Variants in GUCD1 observed in about 807,000 individuals in gnomAD.
GUCD1 encodes protein GUCD1.
GUCD1 carries 17 observed loss-of-function variants against 28.3 expected under a neutral mutation model. That is an observed-to-expected ratio of 0.60 (90% CI 0.41 to 0.90). The LOEUF (loss-of-function observed/expected upper bound fraction) is 0.90. GUCD1 is among the 40% of genes least tolerant of loss of function. The probability of loss-of-function intolerance (pLI) is 0.00; values close to 1 mark genes in which losing one functional copy is unlikely to be tolerated. For synonymous variants in GUCD1, 129 were observed against 123.3 expected (o/e 1.05, Z -0.30); for missense variants, 279 against 305.5 (o/e 0.91, Z 0.65).
At chr22:24,547,257 C>CA in intron 3 of GUCD1, 3 of 484,264 alleles carry the variant, frequency 6.2e-6, no homozygotes, top group Non-Finnish European at 7.6e-6. Context: ...GGGCTCAGGT[C>CA]AGCTCTCTGG....
intron 1 of GUCD1, among the ~76,000 whole-genome samples, chr22:24,550,744 C>T (rs2044850502): frequency 6.6e-6 from 1 of 152,212 alleles, no homozygotes; most frequent in Non-Finnish European, 1.5e-5. Flanking sequence ...CTTTGAATCC[C>T]AAGTTCCTCC....
Position 24,543,944 on chromosome 22 carries a change from AGTG to A in GUCD1, c.523_525del (p.His175del). ...TGGTAGTCAGGAGTGCGGCAGAAGC[AGTG>A]GTGGCCACTGGGGGTGAAGCAGCAG... On this transcript the variant is annotated inframe_deletion, in exon 5 of 6. Coordinates refer to ENST00000435822, the MANE Select transcript of GUCD1 (RefSeq NM_001284254.2). The A allele has an allele frequency of 6.2e-7, 1 of 1,614,064 alleles. No individual in the cohort carries two copies. Among genetic ancestry groups the A allele is most frequent in the Non-Finnish European group, 8.5e-7 (1 of 1,179,966 alleles).
chr22:24,552,923 C>T (rs2044921181), intron 1 of GUCD1, among the ~76,000 whole-genome samples: 1 of 152,192 alleles, frequency 6.6e-6, no homozygotes, highest in Admixed American at 6.5e-5. Flanking sequence ...CCTTAGCCTC[C>T]TGAGCAGCTG....
At chr22:24,547,158 G>C in intron 3 of GUCD1, 153 bp from the exon 4 acceptor site, 2 of 633,334 alleles carry the variant, frequency 3.2e-6, no homozygotes, top group African/African-American at 1.8e-5. Context: ...CAGCAAGCCA[G>C]ATCAGAAAGC....
chr22:24,553,465 G>A (rs1407979046), intron 1 of GUCD1, among the ~76,000 whole-genome samples: 1 of 152,212 alleles, frequency 6.6e-6, no homozygotes, highest in Non-Finnish European at 1.5e-5. Flanking sequence ...TCAGCCCAGA[G>A]TAGGCACTTA....
At chr22:24,552,697 G>A (rs932212095) in intron 1 of GUCD1, among the ~76,000 whole-genome samples, 3 of 151,860 alleles carry the variant, frequency 2.0e-5, no homozygotes, top group Admixed American at 6.5e-5. Context: ...TTGAACCTGG[G>A]AGGCGGAGGT....
chr22:24,544,583 C>A (rs2044678256), intron 4 of GUCD1, among the ~76,000 whole-genome samples: 1 of 152,216 alleles, frequency 6.6e-6, no homozygotes, highest in African/African-American at 2.4e-5. Context: ...GCAGAAGGGG[C>A]TGCCCAGGAA....
chr22:24,545,609 T>TC (rs1159119754), intron 4 of GUCD1, among the ~76,000 whole-genome samples: 3 of 146,812 alleles, frequency 2.0e-5, no homozygotes, highest in Non-Finnish European at 4.5e-5. Context: ...CCCACTATAT[T>TC]CTTTTTTTTT....
chr22:24,554,705 A>C (rs1057445956), intron 1 of GUCD1, among the ~76,000 whole-genome samples: 8 of 152,186 alleles, frequency 5.3e-5, no homozygotes, highest in Admixed American at 2.0e-4. Flanking sequence ...GGAGCTCCCA[A>C]GGCGGCTCCA....
intron 1 of GUCD1, among the ~76,000 whole-genome samples, chr22:24,550,427 C>T (rs1168956543): frequency 2.6e-5 from 4 of 152,216 alleles, no homozygotes; most frequent in Non-Finnish European, 5.9e-5. Flanking sequence ...GGCAAATGGG[C>T]TTGTGGCATG....
intron 3 of GUCD1, 101 bp downstream of exon 3, chr22:24,547,807 G>T: frequency 2.4e-6 from 3 of 1,230,518 alleles, no homozygotes; most frequent in Non-Finnish European, 3.5e-6. Flanking sequence ...ATCTACCTGG[G>T]TGTCTAGCCC....
chr22:24,544,633 C>CA (rs2044679375), intron 4 of GUCD1, among the ~76,000 whole-genome samples: 2 of 152,194 alleles, frequency 1.3e-5, no homozygotes, highest in Non-Finnish European at 2.9e-5. Context: ...TCCAGTTCAG[C>CA]AATGACATCT....
At chr22:24,547,130 C>T in intron 3 of GUCD1, 125 bp from the exon 4 acceptor site, 1 of 725,536 alleles carries the variant, frequency 1.4e-6, no homozygotes, top group South Asian at 1.5e-5. Flanking sequence ...CCCCACCTGC[C>T]AGGGCAGACG....
intron 5 of GUCD1, 29 bp from the exon 6 acceptor site, chr22:24,543,126 G>T: frequency 6.4e-7 from 1 of 1,557,778 alleles, no homozygotes; most frequent in Non-Finnish European, 8.9e-7. Flanking sequence ...GCAGAACGGG[G>T]TCAGTGGGTT....
chr22:24,555,586 T>C (rs1475630747), upstream of GUCD1: 1 of 1,548,226 alleles, frequency 6.5e-7, no homozygotes, highest in East Asian at 2.4e-5. Context: ...CCGTACCAGA[T>C]ACCTAGCCTC....
At chr22:24,553,915 T>G (rs1479787962) in intron 1 of GUCD1, among the ~76,000 whole-genome samples, 1 of 152,232 alleles carries the variant, frequency 6.6e-6, no homozygotes, top group East Asian at 1.9e-4. Context: ...GCTTTAGCCT[T>G]CTAAACACAA....
At chr22:24,552,390 G>A (rs888226445) in intron 1 of GUCD1, among the ~76,000 whole-genome samples, 2 of 152,244 alleles carry the variant, frequency 1.3e-5, no homozygotes, top group African/African-American at 4.8e-5. Context: ...TGAGACAGCA[G>A]GAAACTTGCT....
At position 24,544,081 on chromosome 22, in the gene GUCD1, G is replaced by C; in HGVS notation, c.389C>G (p.Thr130Arg). Reference protein sequence around the residue: ...KACKVLVEKCTVSVKDIQAHL... With the variant: ...KACKVLVEKCRVSVKDIQAHL... ...CGCCTGGATGTCCTTCACACTCACT[G>C]TGCTGTGGGCGGGAGGGGGGTCAGC... Residue 130 changes from threonine to arginine, a missense_variant and splice_region_variant, in exon 5 of 6, where the codon ACA (threonine) becomes AGA (arginine). Transcript: ENST00000435822. 2 of 1,610,824 alleles carry C rather than the reference G, an allele frequency of 1.2e-6. No individual in the cohort carries two copies. The highest frequency in any genetic ancestry group is 1.7e-6 in the Non-Finnish European group (2 of 1,177,550).
At chr22:24,550,747 G>A (rs1314033623) in intron 1 of GUCD1, among the ~76,000 whole-genome samples, 4 of 152,154 alleles carry the variant, frequency 2.6e-5, no homozygotes, top group African/African-American at 7.2e-5. Context: ...TGAATCCCAA[G>A]TTCCTCCCTT....
Sources: gnomAD v4.1 joint callset for allele counts (sites outside exome capture counted in the v4.1 genomes callset) on GRCh38, gnomAD v4.1.1 for gene constraint, MANE v1.5 for transcripts, NCBI Gene and HGNC (gene_info 2026-07-23, HGNC 2026-07-21) for gene names.